Variants in CFAP47 observed in about 807,000 individuals in gnomAD.
The protein encoded by CFAP47 is cilia- and flagella-associated protein 47.
In CFAP47, 29 loss-of-function variants were observed where a neutral mutation model predicts 148.1. That is an observed-to-expected ratio of 0.20 (90% confidence interval 0.15 to 0.27). The LOEUF (loss-of-function observed/expected upper bound fraction) is 0.27. CFAP47 is among the 10% of genes least tolerant of loss of function. The pLI, the probability that CFAP47 is intolerant of heterozygous loss-of-function variation, is 1.00. For synonymous variants in CFAP47, 664 were observed against 577.3 expected (o/e 1.15, Z -2.15); for missense variants, 1,872 against 1,697.5 (o/e 1.10, Z -1.81).
At chrX:36,303,045 G>A (rs911237972) in intron 53 of CFAP47, among the ~76,000 whole-genome samples, 1 of 111,905 alleles carries the variant, frequency 8.9e-6, no homozygotes, top group African/African-American at 3.2e-5. Context: ...ATCATAAACT[G>A]GGTGGCTTAA....
At chrX:36,062,589 A>G (rs148261245) in intron 26 of CFAP47, among the ~76,000 whole-genome samples, 1 of 111,682 alleles carries the variant, frequency 9.0e-6, no homozygotes, top group Admixed American at 9.6e-5. Flanking sequence ...TGGTGAGGAA[A>G]AGGATGTACA....
At position 36,195,604 on chromosome X, in the gene CFAP47, G is replaced by A. The variant is rs980754613; in HGVS notation, c.6322-4775G>A. On this transcript the variant is annotated intron_variant, in intron 42 of 63. Transcript: ENST00000378653. ...GGTTGGAGAAAGGAACTGGAGATAG[G>A]GAGACTGGCTAGGAGACTTTTGTAT... is the stretch of plus-strand genomic sequence containing the variant. Among the ~76,000 whole-genome samples, 8 of 111,575 alleles carry A rather than the reference G, an allele frequency of 7.2e-5. No individual in the cohort carries two copies. The South Asian group carries it at 2.6e-3, about 37-fold the overall frequency.
chrX:36,043,920 A>C (rs1188666322), intron 25 of CFAP47, among the ~76,000 whole-genome samples: 1 of 112,990 alleles, frequency 8.9e-6, no homozygotes, highest in Non-Finnish European at 1.9e-5. Context: ...TGGCCTGGAC[A>C]TCCAGGTGTT....
intron 45 of CFAP47, among the ~76,000 whole-genome samples, chrX:36,217,970 A>G (rs1245653448): frequency 1.8e-5 from 2 of 111,903 alleles, no homozygotes; most frequent in African/African-American, 6.5e-5. Context: ...CATGCTCTAC[A>G]ATTATATATT....
chrX:36,173,254 C>T (rs1474054157), intron 39 of CFAP47, among the ~76,000 whole-genome samples: 3 of 111,519 alleles, frequency 2.7e-5, no homozygotes, highest in Middle Eastern at 4.3e-3. Context: ...AAACCAGCTC[C>T]TGGATTCGTT....
At chrX:36,208,238 C>A (rs1250349833) in intron 45 of CFAP47, among the ~76,000 whole-genome samples, 1 of 111,592 alleles carries the variant, frequency 9.0e-6, no homozygotes, top group Non-Finnish European at 1.9e-5. Context: ...GGCTGAAATA[C>A]CAGTAAATCA....
intron 26 of CFAP47, among the ~76,000 whole-genome samples, chrX:36,050,588 G>A (rs775693471): frequency 8.7e-4 from 97 of 111,685 alleles, no homozygotes; most frequent in African/African-American, 3.1e-3. Context: ...AAGTGGCAAA[G>A]TGTTCAAGAG....
At chrX:35,929,794 T>C (rs971665271) in intron 2 of CFAP47, among the ~76,000 whole-genome samples, 5 of 110,111 alleles carry the variant, frequency 4.5e-5, no homozygotes, top group Admixed American at 1.9e-4. Flanking sequence ...AGGCCAGGAG[T>C]TCGAGACCAG....
At chrX:36,149,525 G>A (rs1254867715) in intron 37 of CFAP47, among the ~76,000 whole-genome samples, 1 of 109,692 alleles carries the variant, frequency 9.1e-6, no homozygotes, top group East Asian at 2.8e-4. Flanking sequence ...GTTTCCTGCA[G>A]GAAACTGAAA....
At chrX:36,167,424 G>A (rs957111994) in intron 39 of CFAP47, among the ~76,000 whole-genome samples, 5 of 111,302 alleles carry the variant, frequency 4.5e-5, no homozygotes, top group African/African-American at 1.6e-4. Flanking sequence ...GGGCAAAATA[G>A]CCTCAGGATT....
chrX:35,924,525 A>G (rs190633531), intron 1 of CFAP47, among the ~76,000 whole-genome samples: 7 of 100,206 alleles, frequency 7.0e-5, no homozygotes, highest in Non-Finnish European at 1.2e-4. Flanking sequence ...ATGTGTATAT[A>G]TGCACATATA....
chrX:36,379,521 G>A lies in CFAP47; in HGVS notation c.9354+3G>A. 8.7e-7 allele frequency: 1 copy of A among 1,146,266 alleles called. No homozygotes were observed. The highest frequency in any genetic ancestry group is 1.2e-6 in the Non-Finnish European group (1 of 853,716). 94.5% of individuals were successfully genotyped at this position (1,146,266 alleles called of 1,213,427 possible). On this transcript the variant is annotated splice_donor_region_variant and intron_variant, in intron 63 of 63. Transcript: ENST00000378653. ...ATAAAGCAACATTAGTAATACAGGT[G>A]AGTTCTATAAGGGCAATAGCCAAGG...
intron 33 of CFAP47, among the ~76,000 whole-genome samples, chrX:36,116,048 T>G (rs1221389682): frequency 8.9e-6 from 1 of 112,118 alleles, no homozygotes; most frequent in Non-Finnish European, 1.9e-5. Context: ...ACCGTTGCAG[T>G]TTCTTTTTTG....
intron 42 of CFAP47, among the ~76,000 whole-genome samples, chrX:36,191,766 C>T (rs1184073093): frequency 8.1e-5 from 9 of 110,910 alleles, no homozygotes; most frequent in Non-Finnish European, 1.5e-4. Context: ...GGCAGAATAC[C>T]TGAGGTCAGG....
At chrX:36,211,972 T>C (rs1175641808) in intron 45 of CFAP47, among the ~76,000 whole-genome samples, 2 of 111,265 alleles carry the variant, frequency 1.8e-5, no homozygotes, top group African/African-American at 3.3e-5. Context: ...AATATGGGGG[T>C]TGTAAATTGG....
At chrX:36,201,947 T>G (rs1939985416) in intron 44 of CFAP47, among the ~76,000 whole-genome samples, 1 of 109,052 alleles carries the variant, frequency 9.2e-6, no homozygotes, top group Non-Finnish European at 1.9e-5. Context: ...GAATTCAGAC[T>G]CTAACACTGT....
At chrX:36,243,762 G>C (rs1555996523) in intron 48 of CFAP47, among the ~76,000 whole-genome samples, 8 of 103,352 alleles carry the variant, frequency 7.7e-5, no homozygotes. Context: ...CATAATAATA[G>C]TGGGAGACTT....
intron 45 of CFAP47, chrX:36,211,550 G>T: frequency 3.3e-6 from 1 of 305,411 alleles, no homozygotes; most frequent in Admixed American, 3.6e-5. Flanking sequence ...CTCATGAAAA[G>T]AAGGCTGTGA....
chrX:36,347,043 A>G (rs1028446272), intron 57 of CFAP47, among the ~76,000 whole-genome samples: 2 of 112,329 alleles, frequency 1.8e-5, no homozygotes, highest in Non-Finnish European at 3.8e-5. Context: ...TATCCATCTG[A>G]CAAAGGGCTA....
Sources: gnomAD v4.1 joint callset for allele counts (sites outside exome capture counted in the v4.1 genomes callset) on GRCh38, gnomAD v4.1.1 for gene constraint, MANE v1.5 for transcripts, NCBI Gene and HGNC (gene_info 2026-07-23, HGNC 2026-07-21) for gene names.